EDIL3: variants seen among roughly 807,000 people sequenced by gnomAD.
EDIL3 encodes EGF like and discoidin domains 3, also known as EGF-like repeat and discoidin I-like domain-containing protein 3.
EDIL3 carries 37 observed loss-of-function variants against 67.4 expected under a neutral mutation model. The observed-to-expected ratio is 0.55, with a 90% CI of 0.42 to 0.72. EDIL3 has a LOEUF of 0.72. Among genes scored for constraint, EDIL3 ranks in the 30% least tolerant of loss-of-function variants. The probability of loss-of-function intolerance (pLI) is 0.00; values close to 1 mark genes in which losing one functional copy is unlikely to be tolerated. For missense variants in EDIL3, 527 were observed against 586.3 expected (o/e 0.90, Z 1.04); for synonymous variants, 195 against 196.3 (o/e 0.99, Z 0.05).
chr5:84,371,634 T>C (rs983452400), intron 1 of EDIL3, among the ~76,000 whole-genome samples: 1 of 151,408 alleles, frequency 6.6e-6, no homozygotes, highest in African/African-American at 2.4e-5. Flanking sequence ...AATAGCATAA[T>C]AATATTATGT....
intron 2 of EDIL3, among the ~76,000 whole-genome samples, chr5:84,242,806 A>AAC (rs1744824983): frequency 1.6e-5 from 2 of 127,472 alleles, no homozygotes; most frequent in Admixed American, 1.8e-4. Flanking sequence ...AAAAAAAAAA[A>AAC]AAAAAACTTC....
chr5:84,012,938 T>C (rs1745541592), intron 9 of EDIL3, among the ~76,000 whole-genome samples: 1 of 152,072 alleles, frequency 6.6e-6, no homozygotes, highest in Non-Finnish European at 1.5e-5. Flanking sequence ...ATCATTTATA[T>C]GAAAATTTTA....
At chr5:84,005,849 AG>A (rs915391631) in intron 9 of EDIL3, among the ~76,000 whole-genome samples, 19 of 152,008 alleles carry the variant, frequency 1.2e-4, no homozygotes, top group Non-Finnish European at 8.8e-5. Flanking sequence ...AAAGAAAAAA[AG>A]CATCCAAATA....
At chr5:84,381,365 A>G (rs1748071718) in intron 1 of EDIL3, among the ~76,000 whole-genome samples, 1 of 152,126 alleles carries the variant, frequency 6.6e-6, no homozygotes, top group South Asian at 2.1e-4. Flanking sequence ...TTATTTTTGT[A>G]TGTTTTACCT....
chr5:84,096,853 G>A (rs1327304316), intron 6 of EDIL3, among the ~76,000 whole-genome samples: 1 of 152,150 alleles, frequency 6.6e-6, no homozygotes, highest in African/African-American at 2.4e-5. Context: ...AATCATGGGA[G>A]CGGGTCTTTC....
At chr5:83,996,466 A>G (rs1247711155) in intron 9 of EDIL3, among the ~76,000 whole-genome samples, 2 of 152,186 alleles carry the variant, frequency 1.3e-5, no homozygotes, top group East Asian at 3.9e-4. Flanking sequence ...AAGAGCCACC[A>G]TTGCCAGGTG....
chr5:84,141,965 A>ATCTG (rs1295388602), intron 4 of EDIL3, among the ~76,000 whole-genome samples: 1 of 141,272 alleles, frequency 7.1e-6, no homozygotes, highest in African/African-American at 2.6e-5. Flanking sequence ...CTATCTATCT[A>ATCTG]TCTATCTATC....
intron 1 of EDIL3, among the ~76,000 whole-genome samples, chr5:84,371,874 T>G (rs1169011782): frequency 6.6e-6 from 1 of 152,044 alleles, no homozygotes; most frequent in Non-Finnish European, 1.5e-5. Context: ...CAATAAACCA[T>G]CACTTCCTAT....
chr5:84,255,097 A>G (rs1369674073), intron 1 of EDIL3, among the ~76,000 whole-genome samples: 1 of 152,204 alleles, frequency 6.6e-6, no homozygotes, highest in South Asian at 2.1e-4. Context: ...ATAAGGTGCT[A>G]CAATAAAGAG....
At chr5:84,122,729 T>C (rs1747800576) in intron 5 of EDIL3, among the ~76,000 whole-genome samples, 1 of 151,866 alleles carries the variant, frequency 6.6e-6, no homozygotes. Context: ...CACTTAGATG[T>C]CTTGTTTATG....
At chr5:84,076,151 CTT>C (rs1299168391) in intron 6 of EDIL3, among the ~76,000 whole-genome samples, 2 of 151,828 alleles carry the variant, frequency 1.3e-5, no homozygotes, top group African/African-American at 4.8e-5. Context: ...TATCAAATCT[CTT>C]TCAAATCTAG....
intron 7 of EDIL3, 81 bp from the exon 8 acceptor site, chr5:84,064,925 C>A: frequency 1.4e-6 from 2 of 1,419,874 alleles, no homozygotes; most frequent in South Asian, 1.7e-5. Flanking sequence ...TATACCTTAT[C>A]GAAAATAATT....
At chr5:84,256,138 A>ATCTT (rs1561236892) in intron 1 of EDIL3, among the ~76,000 whole-genome samples, 34 of 98,816 alleles carry the variant, frequency 3.4e-4, no homozygotes, top group African/African-American at 1.3e-3. Flanking sequence ...CTATCTATCT[A>ATCTT]TCTATCTATC....
rs1272169325 is a variant in EDIL3, at chr5:84,117,026, T to TATTTA, written c.470-10197_470-10196insTAAAT. 1.8e-4 allele frequency among the ~76,000 whole-genome samples: 23 copies of TATTTA among 125,416 alleles called. 1 individual carries two copies. The highest frequency in any genetic ancestry group is 7.8e-4 in the African/African-American group (23 of 29,572). The allele number at this position is 125,416 out of a possible 152,430, so 82.3% of individuals were successfully genotyped here. ...GTATCCAAGTTAAGTACTTATTTTTTTTTTTTTTTTTTTTTTTTTGAGACG... is the reference window on the plus strand; with the variant it reads ...GTATCCAAGTTAAGTACTTATTTTTTATTTATTTTTTTTTTTTTTTTTTTGAGACG... On this transcript the variant is annotated intron_variant, in intron 5 of 10. Coordinates refer to ENST00000296591, the MANE Select transcript of EDIL3 (RefSeq NM_005711.5).
intron 9 of EDIL3, among the ~76,000 whole-genome samples, chr5:84,009,183 G>C (rs1745476319): frequency 6.6e-6 from 1 of 151,700 alleles, no homozygotes; most frequent in Non-Finnish European, 1.5e-5. Flanking sequence ...TCATTTTAAA[G>C]TATTTTCCCA....
At chr5:84,050,327 T>G (rs10491384) in intron 9 of EDIL3, among the ~76,000 whole-genome samples, 8,712 of 152,222 alleles carry the variant, frequency 0.057, 839 homozygotes, top group African/African-American at 0.2. Context: ...AAAATGAGAT[T>G]TGAGGCAGTT....
chr5:84,371,395 GTA>G (rs200814068), intron 1 of EDIL3, among the ~76,000 whole-genome samples: 51 of 144,692 alleles, frequency 3.5e-4, no homozygotes, highest in African/African-American at 8.1e-4. Flanking sequence ...ATATATGTGT[GTA>G]TATATATGTG....
intron 5 of EDIL3, among the ~76,000 whole-genome samples, chr5:84,120,847 G>A (rs1370871302): frequency 6.6e-6 from 1 of 151,788 alleles, no homozygotes; most frequent in African/African-American, 2.4e-5. Flanking sequence ...GCCTGTTGGG[G>A]TTAGAAATAC....
Position 84,306,615 on chromosome 5 carries a change from A to C in EDIL3, c.68-52403T>G, listed in dbSNP as rs189469404. ...CTTACCAGGTTTGTACTAAATCATG[A>C]GTCAAGTTTCAAACACAAATCAATT... is the stretch of plus-strand genomic sequence containing the variant. On this transcript the variant is annotated intron_variant, in intron 1 of 10. Coordinates refer to ENST00000296591, the MANE Select transcript of EDIL3 (RefSeq NM_005711.5). Among the ~76,000 whole-genome samples, 13 of 152,238 alleles carry C rather than the reference A, an allele frequency of 8.5e-5. No homozygotes were observed. In the South Asian group the frequency reaches 1.2e-3, roughly 15 times the overall value.
Sources: gnomAD v4.1 joint callset for allele counts (sites outside exome capture counted in the v4.1 genomes callset) on GRCh38, gnomAD v4.1.1 for gene constraint, MANE v1.5 for transcripts, NCBI Gene and HGNC (gene_info 2026-07-23, HGNC 2026-07-21) for gene names.